CCDC150: variants seen among roughly 807,000 people sequenced by gnomAD.
CCDC150 encodes coiled-coil domain-containing protein 150.
In CCDC150, 151 loss-of-function variants were observed where a neutral mutation model predicts 156.5. That is an observed-to-expected ratio of 0.97 (90% CI 0.85 to 1.10). The LOEUF (loss-of-function observed/expected upper bound fraction) is 1.10. Ranked by LOEUF, CCDC150 falls within the 50% of genes least tolerant of loss-of-function variation. CCDC150 has a pLI of 0.00. For synonymous variants in CCDC150, 452 were observed against 429.4 expected (o/e 1.05, Z -0.65); for missense variants, 1,312 against 1,268.1 (o/e 1.03, Z -0.53).
intron 2 of CCDC150, among the ~76,000 whole-genome samples, chr2:196,651,304 G>C (rs1692859074): frequency 6.6e-6 from 1 of 152,130 alleles, no homozygotes; most frequent in South Asian, 2.1e-4. Context: ...GTATACTAGA[G>C]ATATAATTGA....
chr2:196,669,894 G>A lies in CCDC150; in HGVS notation c.936+18G>A. 1.3e-6 allele frequency: 2 copies of A among 1,592,038 alleles called. No homozygotes were observed. The highest frequency in any genetic ancestry group is 1.7e-6 in the Non-Finnish European group (2 of 1,164,796). On this transcript the variant is annotated intron_variant, in intron 8 of 27. Coordinates refer to ENST00000389175, the MANE Select transcript of CCDC150 (RefSeq NM_001080539.2). ...AAAATAAGGTGAGTTTTGAAGTTGT[G>A]GAGTACAGAGGTGGTCTTTCCTCTC...
intron 20 of CCDC150, 27 bp downstream of exon 20, chr2:196,720,695 A>T: frequency 6.3e-7 from 1 of 1,581,086 alleles, no homozygotes. Context: ...AAAAAATGAT[A>T]ACATTGATAT....
At position 196,729,228 on chromosome 2, in the gene CCDC150, AGTGGAAGT is replaced by A. The variant is rs1698394009; in HGVS notation, c.2595_2602del (p.Glu866ProfsTer20). 2 of 1,613,662 alleles carry A rather than the reference AGTGGAAGT, an allele frequency of 1.2e-6. No homozygotes were observed. The highest frequency in any genetic ancestry group is 2.7e-5 in the African/African-American group (2 of 75,010). ...CCCTTGATGAAGCTAACTTCAGATCAGTGGAAGTGTCCCGGACCAACCGAGAGCTGCGA... is the reference window on the plus strand; with the variant it reads ...CCCTTGATGAAGCTAACTTCAGATCAGTCCCGGACCAACCGAGAGCTGCGA... On this transcript the variant is annotated frameshift_variant, in exon 23 of 28. Coordinates refer to ENST00000389175, the MANE Select transcript of CCDC150 (RefSeq NM_001080539.2). LOFTEE classifies it high-confidence loss of function.
rs1697455930 is a variant in CCDC150, at chr2:196,715,740, C to G, written c.1867-2763C>G. Among the ~76,000 whole-genome samples the G allele has an allele frequency of 2.6e-5, 4 of 152,182 alleles. No individual in the cohort carries two copies. The South Asian group carries it at 8.3e-4, about 32-fold the overall frequency. On this transcript the variant is annotated intron_variant, in intron 17 of 27. Coordinates refer to ENST00000389175, the MANE Select transcript of CCDC150 (RefSeq NM_001080539.2). ...TGGATCATAGATCTAAATGTAAACC[C>G]TGAAACTGTAAAACTTTTAGAAGAA...
At chr2:196,716,920 A>G (rs2125699861) in intron 17 of CCDC150, among the ~76,000 whole-genome samples, 1 of 133,738 alleles carries the variant, frequency 7.5e-6, no homozygotes, top group East Asian at 2.1e-4. Flanking sequence ...CAGTGGCGCC[A>G]TCTTGGCTTG....
At chr2:196,692,637 G>T (rs1412682287) in intron 13 of CCDC150, among the ~76,000 whole-genome samples, 1 of 152,186 alleles carries the variant, frequency 6.6e-6, no homozygotes, top group Non-Finnish European at 1.5e-5. Context: ...GTGTGGTTTT[G>T]AATGGATTTC....
At chr2:196,687,989 T>A (rs1695216715) in intron 13 of CCDC150, among the ~76,000 whole-genome samples, 1 of 152,222 alleles carries the variant, frequency 6.6e-6, no homozygotes, top group African/African-American at 2.4e-5. Flanking sequence ...CCATGCATGC[T>A]GTTTTGGTTA....
chr2:196,692,908 C>T (rs1432838904), intron 13 of CCDC150, among the ~76,000 whole-genome samples: 1 of 152,114 alleles, frequency 6.6e-6, no homozygotes, highest in East Asian at 1.9e-4. Flanking sequence ...CTAATATTGT[C>T]AGTGGAATGC....
At chr2:196,677,119 A>C in intron 12 of CCDC150, 174 bp from the exon 13 acceptor site, 1 of 706,220 alleles carries the variant, frequency 1.4e-6, no homozygotes, top group South Asian at 1.5e-5. Flanking sequence ...TTTCAGGGCT[A>C]TTTGTGAAGT....
rs562854461 is a variant in CCDC150, at chr2:196,682,789, CAGTG to C, written c.1509+5431_1509+5434del. ...GCAGTCTCCAAGAACCTATCAATGACAGTGAGGACTACTGTATAAGATAGTGTCA... is the reference window on the plus strand; with the variant it reads ...GCAGTCTCCAAGAACCTATCAATGACAGGACTACTGTATAAGATAGTGTCA... On this transcript the variant is annotated intron_variant, in intron 13 of 27. Coordinates refer to ENST00000389175, the MANE Select transcript of CCDC150 (RefSeq NM_001080539.2). 3.1e-4 allele frequency among the ~76,000 whole-genome samples: 47 copies of C among 152,152 alleles called. 1 individual carries two copies. The South Asian group carries it at 9.5e-3, about 31-fold the overall frequency.
intron 22 of CCDC150, chr2:196,728,011 C>CAAAAAAAAA (rs749609434): frequency 1.4e-5 from 1 of 71,884 alleles, no homozygotes; most frequent in Non-Finnish European, 2.4e-5. Context: ...GACTCTGTCT[C>CAAAAAAAAA]AAAAAAAAAA....
Position 196,729,393 on chromosome 2 carries a change from A to G in CCDC150, c.2751+6A>G, listed in dbSNP as rs1206133057. On this transcript the variant is annotated splice_donor_region_variant and intron_variant, in intron 23 of 27. Coordinates refer to ENST00000389175, the MANE Select transcript of CCDC150 (RefSeq NM_001080539.2). ...AGAATATAGAAAGGATGAAGGTTGT[A>G]TGGGAAACCTCTTCTCACTTCCTGG... 1.9e-6 allele frequency: 3 copies of G among 1,613,170 alleles called. No homozygotes were observed. The highest frequency in any genetic ancestry group is 2.2e-5 in the East Asian group (1 of 44,886).
chr2:196,683,937 G>C (rs1333131273), intron 13 of CCDC150, among the ~76,000 whole-genome samples: 1 of 151,770 alleles, frequency 6.6e-6, no homozygotes, highest in Non-Finnish European at 1.5e-5. Context: ...CAATTTTGTT[G>C]ATCTTTCTAG....
At chr2:196,658,654 A>G (rs1481259831) in intron 4 of CCDC150, 138 bp from the exon 5 acceptor site, 10 of 587,154 alleles carry the variant, frequency 1.7e-5, no homozygotes, top group Non-Finnish European at 3.0e-5. Flanking sequence ...CAGACTTATA[A>G]CAAGGAGTAT....
chr2:196,649,962 C>T (rs967255399), intron 2 of CCDC150, among the ~76,000 whole-genome samples: 2 of 152,110 alleles, frequency 1.3e-5, no homozygotes, highest in Non-Finnish European at 2.9e-5. Context: ...ATTTCACTTC[C>T]TCCTTTCCTG....
chr2:196,698,488 G>T (rs950593377), intron 14 of CCDC150, among the ~76,000 whole-genome samples: 1 of 152,078 alleles, frequency 6.6e-6, no homozygotes, highest in Admixed American at 6.5e-5. Flanking sequence ...ACCTTTTATA[G>T]AAGACTCAGA....
In CCDC150 at chr2:196,639,731, G is replaced by C. The variant is rs1212504662; in HGVS notation, c.-36G>C. On this transcript the variant is annotated 5_prime_UTR_variant, in exon 1 of 28. Coordinates refer to ENST00000389175, the MANE Select transcript of CCDC150 (RefSeq NM_001080539.2). ...TGCTGTGTTAGTTCCACGGAAACCC[G>C]CTCGCCTGCTGCAGTACGGAGCCTC... 3 of 1,529,792 alleles carry C rather than the reference G, an allele frequency of 2.0e-6. No homozygotes were observed. The highest frequency in any genetic ancestry group is 2.7e-6 in the Non-Finnish European group (3 of 1,130,748). 94.8% of individuals were successfully genotyped at this position (1,529,792 alleles called of 1,614,324 possible). A position where few individuals can be genotyped will look rare whatever the true frequency, so the allele number is the denominator to read the frequency against.
chr2:196,702,787 G>T (rs191310479), intron 15 of CCDC150, among the ~76,000 whole-genome samples: 1 of 151,998 alleles, frequency 6.6e-6, no homozygotes, highest in African/African-American at 2.4e-5. Context: ...TGCTATAACA[G>T]AATGTCTGAG....
intron 17 of CCDC150, chr2:196,712,987 AC>A (rs1377521517): frequency 1.9e-6 from 1 of 520,096 alleles, no homozygotes; most frequent in Non-Finnish European, 3.4e-6. Flanking sequence ...AGCATATGTA[AC>A]TTCTGTGTCT....
Sources: gnomAD v4.1 joint callset for allele counts (sites outside exome capture counted in the v4.1 genomes callset) on GRCh38, gnomAD v4.1.1 for gene constraint, MANE v1.5 for transcripts, NCBI Gene and HGNC (gene_info 2026-07-23, HGNC 2026-07-21) for gene names.